SEZ6: variants seen among roughly 807,000 people sequenced by gnomAD.
The protein encoded by SEZ6 is seizure related 6 homolog.
A neutral mutation model predicts 101.0 loss-of-function variants in SEZ6; 53 were observed. The ratio of observed to expected loss-of-function variants is 0.52; its 90% confidence interval spans 0.42 to 0.66. The LOEUF (loss-of-function observed/expected upper bound fraction) is 0.66, where lower values mean the gene tolerates loss of function less well. Ranked by LOEUF, SEZ6 falls within the 30% of genes least tolerant of loss-of-function variation. SEZ6 has a pLI of 0.00. For synonymous variants in SEZ6, 488 were observed against 512.2 expected (o/e 0.95, Z 0.64); for missense variants, 1,102 against 1,289.4 (o/e 0.85, Z 2.23).
At chr17:28,981,047 C>G (rs975678495) in intron 2 of SEZ6, among the ~76,000 whole-genome samples, 1 of 152,188 alleles carries the variant, frequency 6.6e-6, no homozygotes, top group African/African-American at 2.4e-5. Flanking sequence ...AGGTGCCCAC[C>G]ACCATGCCCG....
At position 28,959,041 on chromosome 17, in the gene SEZ6, G is replaced by C; in HGVS notation, c.2091C>G (p.Phe697Leu). Reference sequence around the variant, plus strand: ...CAAGCTCACCAAAGAAGTGGATGACGAAGCCCTGCTGGTAGCCCAGCACTG... The same window carrying C: ...CAAGCTCACCAAAGAAGTGGATGACCAAGCCCTGCTGGTAGCCCAGCACTG... ...GTSVLGYQQG[F>L]VIHFFEVPRN... Residue 697 changes from phenylalanine (F) to leucine (L), a missense_variant, in exon 10 of 17, where the codon TTC (phenylalanine) becomes TTG (leucine). Phe to Leu is a conservative substitution (Grantham distance 22). Coordinates refer to ENST00000317338, the MANE Select transcript of SEZ6 (RefSeq NM_178860.5). This position sits in a 1 kb window ranked among gnomAD's most constrained non-coding sequence, Gnocchi z 4.4. 6.2e-7 allele frequency: 1 copy of C among 1,613,032 alleles called. No individual in the cohort carries two copies. Among genetic ancestry groups the C allele is most frequent in the Non-Finnish European group, 8.5e-7 (1 of 1,179,332 alleles).
In SEZ6 at chr17:28,957,166, T is replaced by A; in HGVS notation, c.2571A>T (p.Pro857=). 1 of 1,613,972 alleles carries A rather than the reference T, an allele frequency of 6.2e-7. No homozygotes were observed. The change falls in exon 13 of 17, where the codon CCA becomes CCT. Residue 857 remains proline (P), a synonymous_variant. Coordinates refer to ENST00000317338, the MANE Select transcript of SEZ6 (RefSeq NM_178860.5). ...ACGAGAAGTGGATGGTGGCCCCTGC[T>A]GGGTGTAGCTGCTTCTCAGGACTTC... ...GARSPEKQLH[P]AGATIHFSCA...
At chr17:28,980,379 T>C (rs2041282960) in intron 2 of SEZ6, among the ~76,000 whole-genome samples, 2 of 151,140 alleles carry the variant, frequency 1.3e-5, no homozygotes, top group African/African-American at 4.9e-5. Flanking sequence ...GCTATTTTTT[T>C]TTTTTTTTGA....
Position 28,989,468 on chromosome 17 carries a change from C to T in SEZ6, c.56-7429G>A, listed in dbSNP as rs148187708. On this transcript the variant is annotated intron_variant, in intron 1 of 16. Transcript: ENST00000317338. ...CTGATTCAAACCTGGGTTGTCTAGC[C>T]TAGAGCAGCCCTGTCCAATAGACCT... 2.4e-3 allele frequency among the ~76,000 whole-genome samples: 371 copies of T among 152,254 alleles called. 3 individuals are homozygous for T. Among genetic ancestry groups the T allele is most frequent in the African/African-American group, 7.8e-3 (324 of 41,536 alleles).
intron 1 of SEZ6, among the ~76,000 whole-genome samples, chr17:28,989,551 A>G (rs549461094): frequency 1.3e-5 from 2 of 152,220 alleles, no homozygotes; most frequent in African/African-American, 2.4e-5. Flanking sequence ...GAGGGTCAAG[A>G]CCCTATGTTG....
chr17:28,957,721 G>A (rs533732861), intron 11 of SEZ6, 182 bp from the exon 12 acceptor site: 17 of 854,264 alleles, frequency 2.0e-5, no homozygotes, highest in Admixed American at 8.6e-5. Context: ...TATTAGGTTC[G>A]ATAAAAACTG....
chr17:28,976,571 C>G (rs1170209751), intron 3 of SEZ6, among the ~76,000 whole-genome samples: 6 of 152,182 alleles, frequency 3.9e-5, no homozygotes, highest in Non-Finnish European at 7.4e-5. Flanking sequence ...TCTCCCCAAG[C>G]CTGAGGAGCC....
chr17:29,000,493 T>G, intron 1 of SEZ6, among the ~76,000 whole-genome samples: 1 of 152,250 alleles, frequency 6.6e-6, no homozygotes, highest in South Asian at 2.1e-4. Context: ...TCAATATATA[T>G]CTATGGAATG....
chr17:28,958,899 G>C, intron 10 of SEZ6, 126 bp downstream of exon 10: 3 of 1,086,596 alleles, frequency 2.8e-6, no homozygotes, highest in Non-Finnish European at 3.9e-6. Flanking sequence ...GCTTCCTCCA[G>C]GTGATCCCTG....
Position 28,996,961 on chromosome 17 carries a change from G to T in SEZ6, c.55+8854C>A, listed in dbSNP as rs144137935. Among the ~76,000 whole-genome samples, 221 of 152,206 alleles carry T rather than the reference G, an allele frequency of 1.5e-3. 2 individuals carry two copies. The highest frequency in any genetic ancestry group is 5.2e-3 in the African/African-American group (214 of 41,518). On this transcript the variant is annotated intron_variant, in intron 1 of 16. Transcript: ENST00000317338. ...CAGCTTAGGGTAGGGAAGGACCAAG[G>T]GTCACCGGAGGCAGCATCAGGGATA... is the stretch of plus-strand genomic sequence containing the variant.
chr17:28,958,896 C>G, intron 10 of SEZ6, 129 bp downstream of exon 10: 3 of 1,065,660 alleles, frequency 2.8e-6, no homozygotes, highest in Non-Finnish European at 4.0e-6. Flanking sequence ...CTAGCTTCCT[C>G]CAGGTGATCC....
At chr17:29,003,263 C>A (rs1183094936) in intron 1 of SEZ6, among the ~76,000 whole-genome samples, 1 of 152,262 alleles carries the variant, frequency 6.6e-6, no homozygotes, top group African/African-American at 2.4e-5. Flanking sequence ...GGCCCAGGCA[C>A]CCCACACAGC....
chr17:28,972,260 T>C (rs890956744), intron 3 of SEZ6, among the ~76,000 whole-genome samples: 6 of 152,326 alleles, frequency 3.9e-5, no homozygotes, highest in African/African-American at 1.4e-4. Flanking sequence ...AGTGCCCTCT[T>C]CACTGGCCAG....
intron 1 of SEZ6, among the ~76,000 whole-genome samples, chr17:29,001,360 C>T (rs1348741429): frequency 1.3e-5 from 2 of 152,176 alleles, no homozygotes; most frequent in African/African-American, 2.4e-5. Flanking sequence ...GAGCATCAAG[C>T]AACCAGGGAC....
rs964072399 is a variant in SEZ6, at chr17:28,960,042, G to T, written c.1577-150C>A. 1.5e-5 allele frequency: 13 copies of T among 874,648 alleles called. No individual in the cohort carries two copies. In the Admixed American group the frequency reaches 3.1e-4, roughly 21 times the overall value. 54.2% of individuals were successfully genotyped at this position (874,648 alleles called of 1,614,324 possible). On this transcript the variant is annotated intron_variant, in intron 7 of 16. Coordinates refer to ENST00000317338, the MANE Select transcript of SEZ6 (RefSeq NM_178860.5). ...GGGGTTGGAGCAGGAATGTGATGGAGGAGGGACAGCCAAGAGCATCCATCC... is the reference window on the plus strand; with the variant it reads ...GGGGTTGGAGCAGGAATGTGATGGATGAGGGACAGCCAAGAGCATCCATCC...
At chr17:28,986,107 C>A (rs537184026) in intron 1 of SEZ6, among the ~76,000 whole-genome samples, 5 of 152,346 alleles carry the variant, frequency 3.3e-5, no homozygotes, top group South Asian at 2.1e-4. Flanking sequence ...GCCCTCCCCC[C>A]GCATTAGCTC....
chr17:29,002,088 CTTTT>C (rs78272133), intron 1 of SEZ6, among the ~76,000 whole-genome samples: 7 of 137,876 alleles, frequency 5.1e-5, no homozygotes, highest in Admixed American at 7.3e-5. Context: ...CCTCTTTCTT[CTTTT>C]TTTTTTTTTT....
intron 14 of SEZ6, 113 bp from the exon 15 acceptor site, chr17:28,956,580 T>TA: frequency 6.8e-7 from 1 of 1,472,726 alleles, no homozygotes; most frequent in East Asian, 2.5e-5. Context: ...TGGCTGGGTG[T>TA]AGGGAAGGAG....
intron 3 of SEZ6, among the ~76,000 whole-genome samples, chr17:28,977,861 A>T (rs937906750): frequency 6.6e-5 from 10 of 152,216 alleles, no homozygotes; most frequent in African/African-American, 1.9e-4. Flanking sequence ...TTTTACATTA[A>T]TTACCTTAAT....
Sources: allele counts gnomAD v4.1 joint callset (sites outside exome capture counted in the v4.1 genomes callset), GRCh38; gene constraint gnomAD v4.1.1; non-coding constraint Gnocchi (gnomAD v3.1); transcripts MANE v1.5; gene names NCBI Gene and HGNC (gene_info 2026-07-23, HGNC 2026-07-21).